ANGPT1: variants seen among roughly 807,000 people sequenced by gnomAD.
ANGPT1 encodes angiopoietin-1.
ANGPT1 carries 17 observed loss-of-function variants against 62.2 expected under a neutral mutation model. The observed-to-expected ratio is 0.27, with a 90% confidence interval of 0.19 to 0.41. The LOEUF is 0.41. Ranked by LOEUF, ANGPT1 falls within the 10% of genes least tolerant of loss-of-function variation. The pLI is 1.00. For missense variants in ANGPT1, 478 were observed against 594.9 expected (o/e 0.80, Z 2.04); for synonymous variants, 199 against 198.9 (o/e 1.00, Z 0.00).
At chr8:107,306,409 T>C (rs1164206026) in intron 4 of ANGPT1, among the ~76,000 whole-genome samples, 2 of 152,132 alleles carry the variant, frequency 1.3e-5, no homozygotes, top group African/African-American at 2.4e-5. Flanking sequence ...TATTTTAAGC[T>C]TTACCTAAAT....
intron 3 of ANGPT1, among the ~76,000 whole-genome samples, chr8:107,328,303 T>C (rs1586228082): frequency 6.6e-6 from 1 of 152,060 alleles, no homozygotes; most frequent in South Asian, 2.1e-4. Context: ...ACGTGTCTAA[T>C]TGGAATGCAA....
chr8:107,396,206 C>T (rs537805710), intron 1 of ANGPT1, among the ~76,000 whole-genome samples: 5 of 152,258 alleles, frequency 3.3e-5, no homozygotes, highest in Admixed American at 3.3e-4. Flanking sequence ...TAGAGATTGA[C>T]TAAACATCAT....
intron 7 of ANGPT1, among the ~76,000 whole-genome samples, chr8:107,271,328 G>A (rs1279656221): frequency 6.6e-6 from 1 of 152,068 alleles, no homozygotes; most frequent in Non-Finnish European, 1.5e-5. Flanking sequence ...ACTGCTGCAT[G>A]CAAAATAAAG....
intron 3 of ANGPT1, among the ~76,000 whole-genome samples, chr8:107,323,320 C>T (rs111646925): frequency 1.6e-4 from 24 of 152,280 alleles, no homozygotes; most frequent in Admixed American, 1.3e-3. Flanking sequence ...AGGTTCAACC[C>T]GTCCTTAGTT....
chr8:107,492,697 G>A (rs1391068123), intron 1 of ANGPT1, among the ~76,000 whole-genome samples: 14 of 150,226 alleles, frequency 9.3e-5, no homozygotes, highest in Non-Finnish European at 5.9e-5. Flanking sequence ...AAACATAAGA[G>A]CATTCTCTCT....
chr8:107,326,154 C>T (rs1351328619), intron 3 of ANGPT1, among the ~76,000 whole-genome samples: 1 of 152,040 alleles, frequency 6.6e-6, no homozygotes, highest in Non-Finnish European at 1.5e-5. Flanking sequence ...ATAGACAGTG[C>T]ATGTAATGTG....
At chr8:107,435,589 C>T (rs1586320414) in intron 1 of ANGPT1, among the ~76,000 whole-genome samples, 1 of 152,084 alleles carries the variant, frequency 6.6e-6, no homozygotes, top group Non-Finnish European at 1.5e-5. Flanking sequence ...GGCAAGGGAA[C>T]AAGAAGGTAA....
At chr8:107,473,403 C>T (rs766509958) in intron 1 of ANGPT1, among the ~76,000 whole-genome samples, 10 of 151,886 alleles carry the variant, frequency 6.6e-5, no homozygotes, top group Non-Finnish European at 1.2e-4. Context: ...AATTCACATG[C>T]CTGCAAACAT....
At chr8:107,252,101 G>T in intron 8 of ANGPT1, 86 bp from the exon 9 acceptor site, 1 of 1,410,334 alleles carries the variant, frequency 7.1e-7, no homozygotes, top group Non-Finnish European at 9.8e-7. Context: ...GGCATTAAAT[G>T]ATGGGAAACT....
At chr8:107,341,547 AATT>A (rs1250267936) in intron 2 of ANGPT1, among the ~76,000 whole-genome samples, 1 of 148,968 alleles carries the variant, frequency 6.7e-6, no homozygotes, top group Non-Finnish European at 1.5e-5. Flanking sequence ...TGTAATATAT[AATT>A]AATATTATAT....
chr8:107,337,208 T>G (rs1267492858), intron 2 of ANGPT1, among the ~76,000 whole-genome samples: 1 of 152,212 alleles, frequency 6.6e-6, no homozygotes, highest in Non-Finnish European at 1.5e-5. Flanking sequence ...AGTTTTATTC[T>G]GATTCTGCTG....
chr8:107,363,080 C>G (rs1181517340), intron 1 of ANGPT1, among the ~76,000 whole-genome samples: 2 of 139,634 alleles, frequency 1.4e-5, no homozygotes, highest in African/African-American at 5.2e-5. Flanking sequence ...AGCAGGGAAC[C>G]TGAGTGCTTT....
intron 4 of ANGPT1, among the ~76,000 whole-genome samples, chr8:107,312,116 C>T (rs115936845): frequency 6.7e-6 from 1 of 150,336 alleles, no homozygotes; most frequent in African/African-American, 2.4e-5. Flanking sequence ...AAAGGTACAA[C>T]TGGAAATACA....
intron 8 of ANGPT1, among the ~76,000 whole-genome samples, chr8:107,258,800 G>T (rs533646106): frequency 6.6e-6 from 1 of 152,110 alleles, no homozygotes; most frequent in Non-Finnish European, 1.5e-5. Context: ...GTTCCATGCT[G>T]GTGCATATAA....
At chr8:107,313,208 G>A (rs935909369) in intron 4 of ANGPT1, among the ~76,000 whole-genome samples, 3 of 151,976 alleles carry the variant, frequency 2.0e-5, no homozygotes, top group Non-Finnish European at 4.4e-5. Flanking sequence ...TATTACATTT[G>A]ATAATCTGAC....
chr8:107,332,035 C>T (rs1422632032), intron 3 of ANGPT1, among the ~76,000 whole-genome samples: 1 of 152,096 alleles, frequency 6.6e-6, no homozygotes, highest in African/African-American at 2.4e-5. Flanking sequence ...GGCCAGTTGA[C>T]CAAACCTTTC....
chr8:107,484,748 T>C (rs148550336), intron 1 of ANGPT1, among the ~76,000 whole-genome samples: 45 of 152,320 alleles, frequency 3.0e-4, no homozygotes, highest in African/African-American at 1.1e-3. Flanking sequence ...ACATCCAGTA[T>C]CTATTGCTCT....
intron 1 of ANGPT1, among the ~76,000 whole-genome samples, chr8:107,410,656 T>C (rs2130354805): frequency 6.6e-6 from 1 of 152,318 alleles, no homozygotes; most frequent in African/African-American, 2.4e-5. Context: ...TCATTAATTA[T>C]ATATAAAAGT....
chr8:107,481,416 C>T (rs1253113212), intron 1 of ANGPT1, among the ~76,000 whole-genome samples: 2 of 151,304 alleles, frequency 1.3e-5, no homozygotes, highest in African/African-American at 4.9e-5. Context: ...CTCCTGTAGT[C>T]CCAGCTACTT....
Sources: gnomAD v4.1 joint callset for allele counts (sites outside exome capture counted in the v4.1 genomes callset) on GRCh38, gnomAD v4.1.1 for gene constraint, MANE v1.5 for transcripts, NCBI Gene and HGNC (gene_info 2026-07-23, HGNC 2026-07-21) for gene names.